ARHGAP20: variants seen among roughly 807,000 people sequenced by gnomAD.
The protein encoded by ARHGAP20 is rho GTPase-activating protein 20.
In ARHGAP20, 34 loss-of-function variants were observed where a neutral mutation model predicts 73.7. That is an observed-to-expected ratio of 0.46 (90% CI 0.35 to 0.61). ARHGAP20 has a LOEUF of 0.61. Among genes scored for constraint, ARHGAP20 ranks in the 20% least tolerant of loss-of-function variants. ARHGAP20 has a pLI of 0.00. For synonymous variants in ARHGAP20, 523 were observed against 518.2 expected (o/e 1.01, Z -0.13); for missense variants, 1,314 against 1,420.9 (o/e 0.92, Z 1.21).
chr11:110,584,957 ATATG>A (rs373957508), intron 12 of ARHGAP20, among the ~76,000 whole-genome samples: 5 of 70,100 alleles, frequency 7.1e-5, no homozygotes, highest in Admixed American at 2.2e-4. Flanking sequence ...ATATATGAAT[ATATG>A]TGAATATATG....
chr11:110,641,066 A>C (rs1949067962), intron 2 of ARHGAP20, among the ~76,000 whole-genome samples: 1 of 152,080 alleles, frequency 6.6e-6, no homozygotes, highest in Non-Finnish European at 1.5e-5. Flanking sequence ...AGAGTGAGCA[A>C]GGGCTTAAAA....
chr11:110,667,233 T>C (rs1949740976), intron 2 of ARHGAP20, among the ~76,000 whole-genome samples: 1 of 152,190 alleles, frequency 6.6e-6, no homozygotes, highest in African/African-American at 2.4e-5. Context: ...GAGAAGTCAA[T>C]GTCTAGCTTC....
chr11:110,643,682 A>T (rs140060544), intron 2 of ARHGAP20, among the ~76,000 whole-genome samples: 1,890 of 152,096 alleles, frequency 0.012, 24 homozygotes, highest in Non-Finnish European at 0.022. Context: ...TATGGTGAAC[A>T]TGTGGTCAAT....
rs769362803 is a variant in ARHGAP20, at chr11:110,712,187, C to T, written c.45G>A (p.Pro15=). The part of the protein sequence containing the change: ...SPQQETLGGQ[P]GRSSSLTGVS... The stretch of plus-strand genomic sequence containing the variant: ...CTCCTGTCAGGGAAGAGGAGCGCCC[C>T]GGCTGTCCCCCTAGAGTCTCCTGCT... Residue 15 remains proline, a synonymous_variant, in exon 1 of 15, where the codon CCG becomes CCA. Transcript: ENST00000683387. The T allele has an allele frequency of 5.9e-6, 8 of 1,361,098 alleles. No homozygotes were observed. In the East Asian group the frequency reaches 1.7e-4, roughly 29 times the overall value. The allele number at this position is 1,361,098 out of a possible 1,614,324, so 84.3% of individuals were successfully genotyped here. A position where few individuals can be genotyped will look rare whatever the true frequency, so the allele number is the denominator to read the frequency against.
chr11:110,689,961 C>CA (rs34455752), intron 2 of ARHGAP20, among the ~76,000 whole-genome samples: 24,757 of 131,704 alleles, frequency 0.19, 2,068 homozygotes, highest in South Asian at 0.31. Context: ...TCCTGCTCTG[C>CA]AAAAAAAAAA....
At chr11:110,598,192 G>A (rs1415185888) in intron 9 of ARHGAP20, among the ~76,000 whole-genome samples, 1 of 141,686 alleles carries the variant, frequency 7.1e-6, no homozygotes. Flanking sequence ...TTTTCCCCTA[G>A]AGTAAAAAAC....
chr11:110,622,295 C>T (rs1344880468), intron 4 of ARHGAP20, among the ~76,000 whole-genome samples: 9 of 152,200 alleles, frequency 5.9e-5, no homozygotes, highest in Admixed American at 5.2e-4. Context: ...CAAAAGACCT[C>T]ACTCTGCCAT....
At chr11:110,646,537 A>C (rs1565456447) in intron 2 of ARHGAP20, among the ~76,000 whole-genome samples, 1 of 152,120 alleles carries the variant, frequency 6.6e-6, no homozygotes, top group Non-Finnish European at 1.5e-5. Flanking sequence ...TGTTTTGAAA[A>C]ATTTATTTCA....
At chr11:110,704,768 A>C (rs11213554) in intron 1 of ARHGAP20, among the ~76,000 whole-genome samples, 45,970 of 151,968 alleles carry the variant, frequency 0.3, 7,735 homozygotes, top group African/African-American at 0.47. Context: ...AGGCTTTCTG[A>C]ACACATCAGG....
At chr11:110,703,042 G>C (rs1464510671) in intron 1 of ARHGAP20, among the ~76,000 whole-genome samples, 2 of 152,046 alleles carry the variant, frequency 1.3e-5, no homozygotes, top group African/African-American at 4.8e-5. Context: ...TTTTAACCTT[G>C]CACCTTGCTT....
chr11:110,711,122 C>A (rs1950643680), intron 1 of ARHGAP20, among the ~76,000 whole-genome samples: 1 of 152,040 alleles, frequency 6.6e-6, no homozygotes, highest in African/African-American at 2.4e-5. Context: ...GGGAGCGAAA[C>A]GGCAGAGGCC....
At chr11:110,592,702 AGAG>A (rs1050964206) in intron 9 of ARHGAP20, among the ~76,000 whole-genome samples, 1 of 152,178 alleles carries the variant, frequency 6.6e-6, no homozygotes, top group African/African-American at 2.4e-5. Flanking sequence ...AGGAGAAGAA[AGAG>A]GAGAGGAGTT....
intron 2 of ARHGAP20, among the ~76,000 whole-genome samples, chr11:110,661,425 T>G (rs1949609472): frequency 6.6e-6 from 1 of 152,136 alleles, no homozygotes; most frequent in Admixed American, 6.6e-5. Context: ...GTTTACTTCT[T>G]ACTGTAATTC....
intron 14 of ARHGAP20, among the ~76,000 whole-genome samples, 169 bp downstream of exon 14, chr11:110,582,152 T>C (rs1489063175): frequency 6.6e-6 from 1 of 152,210 alleles, no homozygotes; most frequent in Non-Finnish European, 1.5e-5. Context: ...TGCTGACCTA[T>C]TGGCAGGCCA....
intron 8 of ARHGAP20, 100 bp from the exon 9 acceptor site, chr11:110,606,849 T>C (rs1948244418): frequency 4.7e-6 from 5 of 1,065,762 alleles, no homozygotes; most frequent in South Asian, 2.4e-5. Flanking sequence ...CCTGGGACTT[T>C]TGGCATAAAG....
At chr11:110,709,220 G>A (rs144936981) in intron 1 of ARHGAP20, among the ~76,000 whole-genome samples, 1 of 152,164 alleles carries the variant, frequency 6.6e-6, no homozygotes, top group Non-Finnish European at 1.5e-5. Flanking sequence ...TAAATATTTA[G>A]TATCTGGTCC....
Position 110,625,239 on chromosome 11 carries a change from T to C in ARHGAP20, c.354-928A>G, listed in dbSNP as rs181461481. Among the ~76,000 whole-genome samples, 662 of 151,168 alleles carry C rather than the reference T, an allele frequency of 4.4e-3. 2 individuals are homozygous for C. Among genetic ancestry groups the C allele is most frequent in the African/African-American group, 0.015 (628 of 41,188 alleles). Reference sequence around the variant, plus strand: ...TTTTTAGTAGAGACGGGGTTTCACCTTGTTAGCCAGGATGGTCTCGATCTC... The same window carrying C: ...TTTTTAGTAGAGACGGGGTTTCACCCTGTTAGCCAGGATGGTCTCGATCTC... On this transcript the variant is annotated intron_variant, in intron 3 of 14. Transcript: ENST00000683387.
chr11:110,644,277 C>A (rs570978744), intron 2 of ARHGAP20, among the ~76,000 whole-genome samples: 14 of 152,248 alleles, frequency 9.2e-5, no homozygotes, highest in African/African-American at 3.4e-4. Context: ...CTGCCAATGT[C>A]ATTTTTCACA....
intron 2 of ARHGAP20, among the ~76,000 whole-genome samples, chr11:110,682,241 C>G (rs1950050909): frequency 6.6e-6 from 1 of 152,144 alleles, no homozygotes; most frequent in Non-Finnish European, 1.5e-5. Flanking sequence ...TCTGCTGTTA[C>G]TACTGCTACT....
Sources: allele counts gnomAD v4.1 joint callset (sites outside exome capture counted in the v4.1 genomes callset), GRCh38; gene constraint gnomAD v4.1.1; transcripts MANE v1.5; gene names NCBI Gene and HGNC (gene_info 2026-07-23, HGNC 2026-07-21).